Variants in NPAS3 observed in about 807,000 individuals in gnomAD.
The protein encoded by NPAS3 is neuronal PAS domain-containing protein 3.
Under a neutral mutation model 73.1 loss-of-function variants are expected in NPAS3, and 14 were observed. The ratio of observed to expected loss-of-function variants is 0.19; its 90% CI spans 0.13 to 0.30. The LOEUF (loss-of-function observed/expected upper bound fraction) is 0.30, where lower values mean the gene tolerates loss of function less well. Ranked by LOEUF, NPAS3 falls within the 10% of genes least tolerant of loss-of-function variation. NPAS3 has a pLI of 1.00. For missense variants in NPAS3, 1,096 were observed against 1,250.0 expected (o/e 0.88, Z 1.86); for synonymous variants, 620 against 541.5 (o/e 1.14, Z -2.01).
chr14:33,662,677 T>C (rs536152985), intron 5 of NPAS3, among the ~76,000 whole-genome samples: 2 of 152,246 alleles, frequency 1.3e-5, no homozygotes, highest in East Asian at 1.9e-4. Flanking sequence ...CCCTTGTACA[T>C]TGTATTCCTA....
chr14:33,486,714 C>G (rs147193851), intron 4 of NPAS3, among the ~76,000 whole-genome samples: 2 of 152,148 alleles, frequency 1.3e-5, no homozygotes, highest in African/African-American at 4.8e-5. Flanking sequence ...CTGAGGGGCC[C>G]GGCAGATTCC....
intron 3 of NPAS3, among the ~76,000 whole-genome samples, chr14:33,306,055 C>T (rs1254081431): frequency 1.3e-5 from 2 of 152,102 alleles, no homozygotes; most frequent in Non-Finnish European, 2.9e-5. Context: ...TTACTGTATA[C>T]TGTTTCCCCC....
chr14:33,684,102 G>C (rs1039554676), intron 6 of NPAS3, among the ~76,000 whole-genome samples: 5 of 152,062 alleles, frequency 3.3e-5, no homozygotes, highest in Non-Finnish European at 1.5e-5. Context: ...CTAGGAACTA[G>C]ATGGAAAAAG....
intron 1 of NPAS3, among the ~76,000 whole-genome samples, chr14:33,024,627 A>T (rs1286849825): frequency 6.6e-6 from 1 of 152,214 alleles, no homozygotes; most frequent in East Asian, 1.9e-4. Flanking sequence ...TATAATGTTA[A>T]GTGAAAACAT....
At chr14:33,645,107 A>G (rs1243761465) in intron 5 of NPAS3, among the ~76,000 whole-genome samples, 1 of 152,066 alleles carries the variant, frequency 6.6e-6, no homozygotes, top group African/African-American at 2.4e-5. Flanking sequence ...GAAAGAAAGA[A>G]AAAAGATGAG....
At chr14:32,951,006 G>A (rs11844034) in intron 1 of NPAS3, among the ~76,000 whole-genome samples, 104,596 of 151,908 alleles carry the variant, frequency 0.69, 37,643 homozygotes, top group African/African-American at 0.81. Context: ...ACAGAAGCCC[G>A]TGGATATCGA....
intron 7 of NPAS3, among the ~76,000 whole-genome samples, chr14:33,756,428 A>C (rs1415775867): frequency 2.6e-5 from 4 of 152,224 alleles, no homozygotes; most frequent in African/African-American, 9.6e-5. Flanking sequence ...TTTTGAAGTA[A>C]AAGGGAGAAC....
intron 4 of NPAS3, among the ~76,000 whole-genome samples, chr14:33,542,219 C>T (rs377056129): frequency 5.4e-4 from 83 of 152,302 alleles, no homozygotes; most frequent in African/African-American, 1.9e-3. Flanking sequence ...CACACCTCAA[C>T]GTTTAGGCAG....
intron 1 of NPAS3, among the ~76,000 whole-genome samples, chr14:32,971,993 C>T (rs893828569): frequency 7.4e-6 from 1 of 134,454 alleles, no homozygotes; most frequent in African/African-American, 2.9e-5. Flanking sequence ...GGCAGGAGTG[C>T]AGTGGCGCAA....
chr14:33,136,961 G>A (rs1032240480), intron 2 of NPAS3, among the ~76,000 whole-genome samples: 2 of 152,144 alleles, frequency 1.3e-5, no homozygotes, highest in African/African-American at 4.8e-5. Flanking sequence ...ATTTTTCTTC[G>A]TGGCCATTGA....
At position 33,316,975 on chromosome 14, in the gene NPAS3, A is replaced by T. The variant is rs568087920; in HGVS notation, c.386-50211A>T. Reference sequence around the variant, plus strand: ...GGAAGTTTTAATAGATCACTTCTAAAGTTCCTTCTAAAATTCTGTAATTTC... The same window carrying T: ...GGAAGTTTTAATAGATCACTTCTAATGTTCCTTCTAAAATTCTGTAATTTC... On this transcript the variant is annotated intron_variant, in intron 3 of 11. Coordinates refer to ENST00000356141, the Ensembl canonical transcript of NPAS3. 3.3e-5 allele frequency among the ~76,000 whole-genome samples: 5 copies of T among 152,246 alleles called. No individual in the cohort carries two copies. In the South Asian group the frequency reaches 1.0e-3, roughly 32 times the overall value.
At chr14:33,062,716 T>C (rs2041152753) in intron 2 of NPAS3, among the ~76,000 whole-genome samples, 1 of 152,230 alleles carries the variant, frequency 6.6e-6, no homozygotes, top group African/African-American at 2.4e-5. Context: ...CAACGAGCCT[T>C]TTGTAGGCAC....
chr14:33,163,688 G>A (rs369430547), intron 2 of NPAS3, among the ~76,000 whole-genome samples: 222 of 104,862 alleles, frequency 2.1e-3, no homozygotes, highest in South Asian at 0.013. Context: ...TTTCCATCTT[G>A]CTTTTAGTCT....
intron 4 of NPAS3, among the ~76,000 whole-genome samples, chr14:33,500,465 A>C (rs1292739864): frequency 4.0e-5 from 6 of 151,878 alleles, no homozygotes; most frequent in East Asian, 3.9e-4. Context: ...CTACAGATGA[A>C]TCGGGTGTGG....
chr14:33,404,889 TG>T (rs1435683342), intron 4 of NPAS3, among the ~76,000 whole-genome samples: 1 of 152,080 alleles, frequency 6.6e-6, no homozygotes, highest in African/African-American at 2.4e-5. Context: ...AGACAGGTAA[TG>T]TGGATGTGGG....
intron 6 of NPAS3, among the ~76,000 whole-genome samples, chr14:33,728,965 A>G (rs2061337962): frequency 6.6e-6 from 1 of 152,194 alleles, no homozygotes; most frequent in Non-Finnish European, 1.5e-5. Context: ...AATTCTTCTT[A>G]GAAGAAAGTA....
intron 1 of NPAS3, among the ~76,000 whole-genome samples, chr14:33,007,453 A>C (rs2039038655): frequency 6.6e-6 from 1 of 152,220 alleles, no homozygotes; most frequent in Non-Finnish European, 1.5e-5. Context: ...TCCTATTTTA[A>C]AGGGAAATCT....
At chr14:33,534,125 C>T (rs529733083) in intron 4 of NPAS3, among the ~76,000 whole-genome samples, 5 of 151,796 alleles carry the variant, frequency 3.3e-5, no homozygotes, top group South Asian at 2.1e-4. Flanking sequence ...AATTTACAGC[C>T]GCCTGCTGAC....
chr14:33,406,045 A>T (rs1176665962), intron 4 of NPAS3, among the ~76,000 whole-genome samples: 2 of 152,174 alleles, frequency 1.3e-5, no homozygotes, highest in African/African-American at 4.8e-5. Flanking sequence ...CTCAGGAAAC[A>T]TAAGCAATGA....
Sources: allele counts gnomAD v4.1 joint callset (sites outside exome capture counted in the v4.1 genomes callset), GRCh38; gene constraint gnomAD v4.1.1; transcripts MANE v1.5; gene names NCBI Gene and HGNC (gene_info 2026-07-23, HGNC 2026-07-21).